The following NAV3 variants were observed in gnomAD, a reference collection of about 807,000 sequenced individuals.
The protein encoded by NAV3 is pore membrane and/or filament interacting like protein 1.
In NAV3, 87 loss-of-function variants were observed where a neutral mutation model predicts 244.7. That is an observed-to-expected ratio of 0.36 (90% CI 0.30 to 0.42). The LOEUF (loss-of-function observed/expected upper bound fraction) is 0.42. Among genes scored for constraint, NAV3 ranks in the 20% least tolerant of loss-of-function variants. The probability of loss-of-function intolerance (pLI) is 1.00; values close to 1 mark genes in which losing one functional copy is unlikely to be tolerated. For missense variants in NAV3, 2,663 were observed against 2,893.3 expected, an observed-to-expected ratio of 0.92 and a Z score of 1.83; for synonymous variants, 1,126 against 1,042.2, an observed-to-expected ratio of 1.08 and a Z score of -1.55.
rs536345687 is a variant in NAV3 at position 78,002,619 on chromosome 12, A to G, written c.881-3800A>G. ...TTGTTTTTTTAATTACTCTGAAATT[A>G]CAATAAAGTCAAAGAACTGAACTGT... On this transcript the variant is annotated intron_variant, in intron 7 of 39. Transcript: ENST00000397909. Among the ~76,000 whole-genome samples, 3 of 152,328 alleles carry G rather than the reference A, an allele frequency of 2.0e-5. No homozygotes were observed. In the South Asian group the frequency reaches 6.2e-4, roughly 32 times the overall value.
intron 2 of NAV3, among the ~76,000 whole-genome samples, chr12:77,733,739 A>G (rs1269903620): frequency 6.6e-6 from 1 of 151,866 alleles, no homozygotes; most frequent in Non-Finnish European, 1.5e-5. Flanking sequence ...AAAGCAAAGG[A>G]TACTGTGAGT....
At chr12:77,957,886 G>A (rs755066157) in intron 3 of NAV3, among the ~76,000 whole-genome samples, 4 of 152,016 alleles carry the variant, frequency 2.6e-5, no homozygotes, top group Admixed American at 1.3e-4. Flanking sequence ...GGCTGGTTTC[G>A]AACTCCTTAC....
chr12:77,847,913 T>A (rs1876901364), intron 1 of NAV3, among the ~76,000 whole-genome samples: 1 of 152,192 alleles, frequency 6.6e-6, no homozygotes, highest in Non-Finnish European at 1.5e-5. Flanking sequence ...AATGAGTTCC[T>A]ATGTCTGTCT....
chr12:77,823,765 G>A (rs974567332), intron 2 of NAV3, among the ~76,000 whole-genome samples: 2 of 152,058 alleles, frequency 1.3e-5, no homozygotes, highest in Admixed American at 1.3e-4. Flanking sequence ...TCATATCCAG[G>A]AGGGAAAAAA....
At chr12:77,603,142 G>T (rs1870515646) in intron 2 of NAV3, among the ~76,000 whole-genome samples, 1 of 152,012 alleles carries the variant, frequency 6.6e-6, no homozygotes, top group Non-Finnish European at 1.5e-5. Context: ...TGACTTTCAA[G>T]GATGGAGACT....
intron 5 of NAV3, among the ~76,000 whole-genome samples, chr12:77,975,448 A>G (rs1289004960): frequency 6.6e-6 from 1 of 152,254 alleles, no homozygotes; most frequent in Non-Finnish European, 1.5e-5. Context: ...ATGACGGAGA[A>G]AAATAAATCA....
At chr12:77,613,792 G>T (rs1222748945) in intron 2 of NAV3, among the ~76,000 whole-genome samples, 2 of 152,032 alleles carry the variant, frequency 1.3e-5, no homozygotes, top group Non-Finnish European at 2.9e-5. Context: ...TCCCTTTGGG[G>T]TTACCGTTTT....
At chr12:77,643,299 T>G (rs2136959917) in intron 2 of NAV3, among the ~76,000 whole-genome samples, 1 of 152,100 alleles carries the variant, frequency 6.6e-6, no homozygotes, top group African/African-American at 2.4e-5. Context: ...CTTAGTCACA[T>G]ACTTTATGAG....
chr12:78,165,382 C>CA, intron 23 of NAV3, among the ~76,000 whole-genome samples: 1 of 151,914 alleles, frequency 6.6e-6, no homozygotes, highest in Non-Finnish European at 1.5e-5. Context: ...GAAGAGTAGA[C>CA]TTTAAATCCA....
At chr12:77,759,705 C>T (rs1216780941) in intron 2 of NAV3, among the ~76,000 whole-genome samples, 1 of 152,144 alleles carries the variant, frequency 6.6e-6, no homozygotes, top group Non-Finnish European at 1.5e-5. Context: ...CAGCACTCTA[C>T]TAACAAATGT....
rs1957424275 is a variant in NAV3 at position 78,159,190 on chromosome 12, A to G, written c.4786-13A>G. The G allele has an allele frequency of 6.2e-7, 1 of 1,609,218 alleles. No homozygotes were observed. Among genetic ancestry groups the G allele is most frequent in the Non-Finnish European group, 8.5e-7 (1 of 1,177,678 alleles). ...CTGACATTTAAACTATGTTTCTTCCATTCTGTTCACAGGCTCACCTTGTAG... is the reference window on the plus strand; with the variant it reads ...CTGACATTTAAACTATGTTTCTTCCGTTCTGTTCACAGGCTCACCTTGTAG... On this transcript the variant is annotated splice_polypyrimidine_tract_variant and intron_variant, in intron 22 of 39. Transcript: ENST00000397909.
chr12:77,630,044 T>G (rs992770830), intron 2 of NAV3, among the ~76,000 whole-genome samples: 3 of 152,188 alleles, frequency 2.0e-5, no homozygotes, highest in Admixed American at 2.0e-4. Context: ...AGCAGTCCCA[T>G]GGATTTAACT....
rs147829581 is a variant in NAV3, at chr12:77,831,673, A to C, written c.212A>C (p.Gln71Pro). ...TCEFGEKKPL[Q>P]GKAKEKEDSK... ...GAATTTGGAGAGAAGAAACCCCTCCAAGGAAAAGCCAAGGAGAAAGAAGAC... is the reference window on the plus strand; with the variant it reads ...GAATTTGGAGAGAAGAAACCCCTCCCAGGAAAAGCCAAGGAGAAAGAAGAC... The change falls in exon 1 of 40, where the codon CAA becomes CCA. Residue 71 changes from glutamine to proline, a missense_variant. By Grantham distance (76) the Gln-to-Pro change is moderately conservative. Transcript: ENST00000397909. 2.1e-4 allele frequency: 334 copies of C among 1,611,512 alleles called. 8 individuals carry two copies. The South Asian group carries it at 2.3e-3, about 11-fold the overall frequency.
intron 39 of NAV3, among the ~76,000 whole-genome samples, chr12:78,206,854 C>CTTTTTTTTT (rs10594185): frequency 5.2e-5 from 6 of 114,834 alleles, no homozygotes; most frequent in Non-Finnish European, 5.3e-5. Flanking sequence ...TTCTTTCTTA[C>CTTTTTTTTT]TTTTTTTTTT....
intron 17 of NAV3, among the ~76,000 whole-genome samples, chr12:78,128,201 C>G (rs1956004318): frequency 6.6e-6 from 1 of 151,664 alleles, no homozygotes; most frequent in Non-Finnish European, 1.5e-5. Context: ...AGCACATCTC[C>G]CTCCTTATTT....
At chr12:77,909,870 G>T (rs1280570476) in intron 1 of NAV3, among the ~76,000 whole-genome samples, 4 of 151,830 alleles carry the variant, frequency 2.6e-5, no homozygotes, top group African/African-American at 7.3e-5. Context: ...TCTAAAAATG[G>T]GTTTCATATA....
chr12:78,001,589 G>A (rs1406410958), intron 7 of NAV3, among the ~76,000 whole-genome samples: 3 of 152,142 alleles, frequency 2.0e-5, no homozygotes, highest in Admixed American at 2.0e-4. Flanking sequence ...TTAATGAGAA[G>A]AAATCAGTAG....
intron 2 of NAV3, among the ~76,000 whole-genome samples, chr12:77,766,269 T>C (rs1405986378): frequency 6.6e-6 from 1 of 152,158 alleles, no homozygotes; most frequent in Non-Finnish European, 1.5e-5. Flanking sequence ...TAAAAGAAGG[T>C]GTGAAAAATC....
intron 2 of NAV3, among the ~76,000 whole-genome samples, chr12:77,679,533 C>T (rs977541726): frequency 1.3e-5 from 2 of 148,360 alleles, no homozygotes; most frequent in Non-Finnish European, 3.0e-5. Flanking sequence ...AAAGAGAGGC[C>T]CAGAGGACAG....
Sources: allele counts gnomAD v4.1 joint callset (sites outside exome capture counted in the v4.1 genomes callset), GRCh38; gene constraint gnomAD v4.1.1; transcripts MANE v1.5; gene names NCBI Gene and HGNC (gene_info 2026-07-23, HGNC 2026-07-21).